The following PHF2 variants were observed in gnomAD, a reference collection of about 807,000 sequenced individuals.
PHF2 encodes PHD finger protein 2, also known as lysine-specific demethylase PHF2.
Under a neutral mutation model 120.5 loss-of-function variants are expected in PHF2, and 27 were observed. The ratio of observed to expected loss-of-function variants is 0.22; its 90% CI spans 0.17 to 0.31. The LOEUF (loss-of-function observed/expected upper bound fraction) is 0.31, where lower values mean the gene tolerates loss of function less well. Ranked by LOEUF, PHF2 falls within the 10% of genes least tolerant of loss-of-function variation. The pLI, the probability that PHF2 is intolerant of heterozygous loss-of-function variation, is 1.00. For missense variants in PHF2, 1,024 were observed against 1,434.8 expected (o/e 0.71, Z 4.63); for synonymous variants, 568 against 592.5 (o/e 0.96, Z 0.60).
chr9:93,598,290 C>T (rs150681850), intron 1 of PHF2, among the ~76,000 whole-genome samples: 1 of 152,194 alleles, frequency 6.6e-6, no homozygotes, highest in Non-Finnish European at 1.5e-5. Flanking sequence ...AGCATTTAAT[C>T]GCGATTCACT....
chr9:93,677,724 C>A lies in PHF2; in HGVS notation c.*48C>A. On this transcript the variant is annotated 3_prime_UTR_variant, in exon 22 of 22. Coordinates refer to ENST00000359246, the MANE Select transcript of PHF2 (RefSeq NM_005392.4). The surrounding 1 kb of genome is among the most constrained non-coding windows in gnomAD (Gnocchi z 4.4). ...CTGCTCCGCTCAGGACCCCCGGAGC[C>A]CCGCGAAAACATCTGCCTCCCAGGA... The A allele has an allele frequency of 7.0e-7, 1 of 1,421,538 alleles. No individual in the cohort carries two copies. Among genetic ancestry groups the A allele is most frequent in the Non-Finnish European group, 9.9e-7 (1 of 1,012,012 alleles). 88.1% of individuals were successfully genotyped at this position (1,421,538 alleles called of 1,614,324 possible). A position where few individuals can be genotyped will look rare whatever the true frequency, so the allele number is the denominator to read the frequency against.
At chr9:93,669,871 G>T (rs1213666752) in intron 17 of PHF2, among the ~76,000 whole-genome samples, 1 of 152,150 alleles carries the variant, frequency 6.6e-6, no homozygotes, top group Non-Finnish European at 1.5e-5. Context: ...CACTGCCCTG[G>T]GTGCCTCAGT....
At chr9:93,655,517 C>G (rs1826443409) in intron 7 of PHF2, among the ~76,000 whole-genome samples, 1 of 152,200 alleles carries the variant, frequency 6.6e-6, no homozygotes, top group Non-Finnish European at 1.5e-5. Context: ...GTCTCCTGCT[C>G]CTGAGTGTGG....
At chr9:93,608,398 G>GTTTTT (rs35097935) in intron 1 of PHF2, among the ~76,000 whole-genome samples, 1 of 142,690 alleles carries the variant, frequency 7.0e-6, no homozygotes, top group Non-Finnish European at 1.5e-5. Flanking sequence ...TTGATTGGTA[G>GTTTTT]TTTTTTTTTT....
intron 1 of PHF2, among the ~76,000 whole-genome samples, chr9:93,623,919 A>C (rs1217823233): frequency 6.6e-6 from 1 of 152,258 alleles, no homozygotes; most frequent in East Asian, 1.9e-4. Context: ...TTGCAGGGTT[A>C]GTCTGATACA....
At chr9:93,666,297 C>G (rs55748036) in intron 16 of PHF2, among the ~76,000 whole-genome samples, 1 of 152,114 alleles carries the variant, frequency 6.6e-6, no homozygotes, top group Non-Finnish European at 1.5e-5. Flanking sequence ...AGCCTCCTGC[C>G]GGGGGAGGTT....
At chr9:93,583,885 A>G (rs1862981461) in intron 1 of PHF2, among the ~76,000 whole-genome samples, 2 of 148,280 alleles carry the variant, frequency 1.3e-5, no homozygotes, top group Non-Finnish European at 3.0e-5. Context: ...CTGCAGTACA[A>G]TGGCGTGATC....
intron 1 of PHF2, among the ~76,000 whole-genome samples, chr9:93,605,120 G>A (rs1564378101): frequency 6.6e-6 from 1 of 152,192 alleles, no homozygotes; most frequent in Non-Finnish European, 1.5e-5. Context: ...TTGCATTAAT[G>A]TAGTATATTT....
chr9:93,599,841 G>C (rs367621246), intron 1 of PHF2, among the ~76,000 whole-genome samples: 107 of 152,370 alleles, frequency 7.0e-4, no homozygotes, highest in African/African-American at 2.4e-3. Flanking sequence ...CCGTTGATCT[G>C]AAACTCGTCT....
Position 93,636,535 on chromosome 9 carries a change from C to A in PHF2, c.299+10C>A. On this transcript the variant is annotated intron_variant, in intron 3 of 21. Coordinates refer to ENST00000359246, the MANE Select transcript of PHF2 (RefSeq NM_005392.4). ...GCCGGACCTTTCCCAGGTGGGCTGG[C>A]CTTCCTGTATGCTCCACCACCTGCA... 5.1e-6 allele frequency: 8 copies of A among 1,560,254 alleles called. No individual in the cohort carries two copies. The highest frequency in any genetic ancestry group is 4.7e-5 in the South Asian group (4 of 85,450).
chr9:93,670,497 G>C (rs1199672259), intron 17 of PHF2, among the ~76,000 whole-genome samples: 1 of 152,234 alleles, frequency 6.6e-6, no homozygotes, highest in Non-Finnish European at 1.5e-5. Context: ...CATTTATAAA[G>C]CTTCCCAGGT....
At chr9:93,599,639 C>G (rs986789845) in intron 1 of PHF2, among the ~76,000 whole-genome samples, 17 of 152,362 alleles carry the variant, frequency 1.1e-4, no homozygotes, top group African/African-American at 3.8e-4. Context: ...CCGAGATATT[C>G]GGTGGTTACC....
Position 93,667,060 on chromosome 9 carries a change from C to T in PHF2, c.2188-20C>T, listed in dbSNP as rs777897046. 6.2e-7 allele frequency: 1 copy of T among 1,604,036 alleles called. No individual in the cohort carries two copies. Among genetic ancestry groups the T allele is most frequent in the Admixed American group, 1.7e-5 (1 of 58,268 alleles). On this transcript the variant is annotated intron_variant, in intron 16 of 21. Coordinates refer to ENST00000359246, the MANE Select transcript of PHF2 (RefSeq NM_005392.4). ...TGGCCAGACCCTCCCCTGACCGAAG[C>T]CCTGTCCCTCGCGCAGCAGAGTGAT...
At chr9:93,615,222 A>AGTAATG (rs1451645936) in intron 1 of PHF2, among the ~76,000 whole-genome samples, 1 of 118,832 alleles carries the variant, frequency 8.4e-6, no homozygotes, top group African/African-American at 3.2e-5. Flanking sequence ...TGATGGTGAT[A>AGTAATG]GTAATGGTGA....
chr9:93,654,600 C>G, intron 7 of PHF2, 25 bp downstream of exon 7: 1 of 1,606,276 alleles, frequency 6.2e-7, no homozygotes, highest in Non-Finnish European at 8.5e-7. Flanking sequence ...CTTTGGGGAC[C>G]ATGTACTAGG....
intron 1 of PHF2, among the ~76,000 whole-genome samples, chr9:93,623,522 C>A (rs1238247299): frequency 3.9e-5 from 6 of 152,192 alleles, no homozygotes; most frequent in Non-Finnish European, 8.8e-5. Flanking sequence ...ATTGGGCAGA[C>A]ACCCTTATAA....
At chr9:93,670,364 A>G (rs1826759936) in intron 17 of PHF2, among the ~76,000 whole-genome samples, 3 of 152,192 alleles carry the variant, frequency 2.0e-5, no homozygotes, top group Non-Finnish European at 4.4e-5. Context: ...TGCAGGGTGT[A>G]CCTGCTGGGC....
At chr9:93,594,505 C>G (rs563490293) in intron 1 of PHF2, among the ~76,000 whole-genome samples, 22 of 152,302 alleles carry the variant, frequency 1.4e-4, no homozygotes, top group Admixed American at 6.5e-4. Flanking sequence ...CAGCTGTCAT[C>G]GGGTGTACTT....
In PHF2 at chr9:93,656,582, G is replaced by A. The variant is rs768446881; in HGVS notation, c.1134G>A (p.Leu378=). Residue 378 remains leucine, a synonymous_variant, in exon 9 of 22, where the codon CTG becomes CTA. Transcript: ENST00000359246. The surrounding 1 kb of genome is among the most constrained non-coding windows in gnomAD (Gnocchi z 4.1). ...TACWYMGKHL[L]EAFKGSHKSG... ...GCTGGTACATGGGGAAGCACCTGCT[G>A]GAGGCATTCAAAGGTACTGGTCACT... is the stretch of plus-strand genomic sequence containing the variant. The A allele has an allele frequency of 1.9e-6, 3 of 1,612,724 alleles. No homozygotes were observed. The highest frequency in any genetic ancestry group is 2.7e-5 in the African/African-American group (2 of 74,856).
Sources: allele counts gnomAD v4.1 joint callset (sites outside exome capture counted in the v4.1 genomes callset), GRCh38; gene constraint gnomAD v4.1.1; non-coding constraint Gnocchi (gnomAD v3.1); transcripts MANE v1.5; gene names NCBI Gene and HGNC (gene_info 2026-07-23, HGNC 2026-07-21).